The following TRIM8 variants were observed in gnomAD, a reference collection of about 807,000 sequenced individuals.
The protein encoded by TRIM8 is E3 ubiquitin-protein ligase TRIM8.
In TRIM8, 9 loss-of-function variants were observed where a neutral mutation model predicts 55.7. The observed-to-expected ratio is 0.16, with a 90% CI of 0.10 to 0.28. The LOEUF (loss-of-function observed/expected upper bound fraction) is 0.28. TRIM8 is among the 10% of genes least tolerant of loss of function. The probability of loss-of-function intolerance (pLI) is 1.00; values close to 1 mark genes in which losing one functional copy is unlikely to be tolerated. For synonymous variants in TRIM8, 335 were observed against 333.3 expected (o/e 1.01, Z -0.06); for missense variants, 556 against 736.4 (o/e 0.76, Z 2.83).
chr10:102,648,543 C>T (rs139845774), intron 1 of TRIM8, among the ~76,000 whole-genome samples: 116 of 152,234 alleles, frequency 7.6e-4, no homozygotes, highest in African/African-American at 2.6e-3. Flanking sequence ...GTGGGGTTTG[C>T]CCCTGCTTGG....
At chr10:102,646,027 T>A (rs913071407) in intron 1 of TRIM8, among the ~76,000 whole-genome samples, 1 of 152,160 alleles carries the variant, frequency 6.6e-6, no homozygotes, top group African/African-American at 2.4e-5. Context: ...GGCAGCTGGC[T>A]CCCCTGGGCT....
At chr10:102,645,507 G>C in intron 1 of TRIM8, 1 of 253,614 alleles carries the variant, frequency 3.9e-6, no homozygotes, top group Non-Finnish European at 7.5e-6. Context: ...CAGTCTTGTT[G>C]CTGTAGGCCC....
intron 3 of TRIM8, 58 bp downstream of exon 3, chr10:102,655,371 T>G: frequency 6.6e-7 from 1 of 1,512,486 alleles, no homozygotes; most frequent in Non-Finnish European, 9.0e-7. Context: ...CAAATTGAGA[T>G]CTGCAGTTTC....
chr10:102,650,022 T>TTGCCCCCCCTGCCC (rs1590106042), intron 1 of TRIM8, among the ~76,000 whole-genome samples: 1 of 151,282 alleles, frequency 6.6e-6, no homozygotes, highest in Non-Finnish European at 1.5e-5. Flanking sequence ...CCCCCTCTTC[T>TTGCCCCCCCTGCCC]TGCCCCTCCC....
chr10:102,652,504 T>G (rs1364846179), intron 1 of TRIM8, among the ~76,000 whole-genome samples: 1 of 152,190 alleles, frequency 6.6e-6, no homozygotes, highest in African/African-American at 2.4e-5. Context: ...AGTTTGTGTA[T>G]GGAACCCATG....
At chr10:102,655,374 G>A (rs975567575) in intron 3 of TRIM8, 61 bp downstream of exon 3, 40 of 1,468,390 alleles carry the variant, frequency 2.7e-5, no homozygotes, top group African/African-American at 4.2e-5. Flanking sequence ...ATTGAGATCT[G>A]CAGTTTCCTG....
chr10:102,654,447 A>T (rs2064007794), intron 1 of TRIM8: 2 of 522,466 alleles, frequency 3.8e-6, no homozygotes, highest in Non-Finnish European at 6.9e-6. Flanking sequence ...AAAAAATAAT[A>T]AGATAAATAA....
At position 102,657,486 on chromosome 10, in the gene TRIM8, C is replaced by T. The variant is rs1037792669; in HGVS notation, c.*132C>T. The T allele has an allele frequency of 1.9e-5, 22 of 1,181,644 alleles. No homozygotes were observed. The highest frequency in any genetic ancestry group is 2.5e-5 in the Non-Finnish European group (22 of 873,132). 73.2% of individuals were successfully genotyped at this position (1,181,644 alleles called of 1,614,324 possible). Reference sequence around the variant, plus strand: ...CTCATTCCATTGCCCCAGGTCTTTTCCTTTTGGATTTTGTTTTGGTTTTGG... The same window carrying T: ...CTCATTCCATTGCCCCAGGTCTTTTTCTTTTGGATTTTGTTTTGGTTTTGG... On this transcript the variant is annotated 3_prime_UTR_variant, in exon 6 of 6. Transcript: ENST00000643721.
Position 102,657,586 on chromosome 10 carries a change from C to T in TRIM8, c.*232C>T, listed in dbSNP as rs890434261. ...CAGTGGGAGCTGGCCTGGGCCAGGA[C>T]GGCAGGTGGCCCTGGAGATGGGAAA... On this transcript the variant is annotated 3_prime_UTR_variant, in exon 6 of 6. Transcript: ENST00000643721. 4 of 497,928 alleles carry T rather than the reference C, an allele frequency of 8.0e-6. No individual in the cohort carries two copies. Among genetic ancestry groups the T allele is most frequent in the South Asian group, 7.0e-5 (2 of 28,730 alleles). The allele number at this position is 497,928 out of a possible 1,614,324, so 30.8% of individuals were successfully genotyped here. A position where few individuals can be genotyped will look rare whatever the true frequency, so the allele number is the denominator to read the frequency against.
At position 102,644,856 on chromosome 10, in the gene TRIM8, C is replaced by T; in HGVS notation, c.239C>T (p.Ala80Val). Reference sequence around the variant, plus strand: ...ACCAACATCGTGGAGAAGTTCAATGCCCTGCACGTGGAGAAGCCGCCGGCG... The same window carrying T: ...ACCAACATCGTGGAGAAGTTCAATGTCCTGCACGTGGAGAAGCCGCCGGCG... The part of the protein sequence containing the change: ...KLTNIVEKFN[A>V]LHVEKPPAAL... Residue 80 changes from alanine (A) to valine (V), a missense_variant, in exon 1 of 6, where the codon GCC becomes GTC. Physicochemically the swap from Ala to Val is moderately conservative, Grantham distance 64 (BLOSUM62 0). Around this residue, in one of 2 missense-constraint regions of TRIM8, gnomAD observed 165 missense variants for 295.3 expected, o/e 0.56. Coordinates refer to ENST00000643721, the MANE Select transcript of TRIM8 (RefSeq NM_030912.3). The T allele has an allele frequency of 6.2e-7, 1 of 1,612,428 alleles. No individual in the cohort carries two copies. The highest frequency in any genetic ancestry group is 8.5e-7 in the Non-Finnish European group (1 of 1,179,686).
In TRIM8 at chr10:102,656,001, C is replaced by A; in HGVS notation, c.901-105C>A. The stretch of plus-strand genomic sequence containing the variant: ...TTCTGTCCAGAATGAGAGGATCCAC[C>A]CAGCCTGGGGGAGGCTCAGGGGGGG... On this transcript the variant is annotated intron_variant, in intron 3 of 5. Coordinates refer to ENST00000643721, the MANE Select transcript of TRIM8 (RefSeq NM_030912.3). This position sits in a 1 kb window ranked among gnomAD's most constrained non-coding sequence, Gnocchi z 4.6. 1.3e-6 allele frequency: 2 copies of A among 1,549,774 alleles called. No homozygotes were observed. The highest frequency in any genetic ancestry group is 1.8e-6 in the Non-Finnish European group (2 of 1,122,724).
rs768597700 is a variant in TRIM8 at position 102,656,562 on chromosome 10, T to A, written c.1048+177T>A. On this transcript the variant is annotated intron_variant, in intron 5 of 5. Transcript: ENST00000643721. The surrounding 1 kb of genome is among the most constrained non-coding windows in gnomAD (Gnocchi z 4.6). ...AGCAACATGACCTCCCCAGCCTCCA[T>A]TTCTTCAGCTTAAAGTGGGGATATA... 2.7e-5 allele frequency: 35 copies of A among 1,302,118 alleles called. No homozygotes were observed. The highest frequency in any genetic ancestry group is 3.5e-5 in the Non-Finnish European group (34 of 963,480). 80.7% of individuals were successfully genotyped at this position (1,302,118 alleles called of 1,614,324 possible).
Position 102,657,552 on chromosome 10 carries a change from C to A in TRIM8, c.*198C>A. The A allele has an allele frequency of 1.5e-6, 1 of 671,838 alleles. No homozygotes were observed. 41.6% of individuals were successfully genotyped at this position (671,838 alleles called of 1,614,324 possible). The stretch of plus-strand genomic sequence containing the variant: ...TTTTTTATTATGAATCTCCTGGACG[C>A]AGAGGTGACAGTGGGAGCTGGCCTG... On this transcript the variant is annotated 3_prime_UTR_variant, in exon 6 of 6. Transcript: ENST00000643721.
rs1404497052 is a variant in TRIM8, at chr10:102,656,551, C to T, written c.1048+166C>T. On this transcript the variant is annotated intron_variant, in intron 5 of 5. Coordinates refer to ENST00000643721, the MANE Select transcript of TRIM8 (RefSeq NM_030912.3). This position sits in a 1 kb window ranked among gnomAD's most constrained non-coding sequence, Gnocchi z 4.6. ...GACAGTGGGTAAGCAACATGACCTC[C>T]CCAGCCTCCATTTCTTCAGCTTAAA... 1.5e-6 allele frequency: 2 copies of T among 1,312,510 alleles called. No homozygotes were observed. The highest frequency in any genetic ancestry group is 2.1e-6 in the Non-Finnish European group (2 of 973,460). The allele number at this position is 1,312,510 out of a possible 1,614,324, so 81.3% of individuals were successfully genotyped here.
In TRIM8 at chr10:102,654,712, G is replaced by T. The variant is rs770171925; in HGVS notation, c.630G>T (p.Gln210His). 6.2e-7 allele frequency: 1 copy of T among 1,614,208 alleles called. No individual in the cohort carries two copies. Among genetic ancestry groups the T allele is most frequent in the South Asian group, 1.1e-5 (1 of 91,086 alleles). The change falls in exon 2 of 6, where the codon CAG becomes CAT. Residue 210 changes from glutamine (Q) to histidine (H), a missense_variant. Physicochemically the swap from Gln to His is conservative, Grantham distance 24. Around this residue, in one of 2 missense-constraint regions of TRIM8, gnomAD observed 165 missense variants for 295.3 expected, o/e 0.56. Coordinates refer to ENST00000643721, the MANE Select transcript of TRIM8 (RefSeq NM_030912.3). ...LEEREQDIEDQLYKLESDKRL... is the reference protein window; with the variant it reads ...LEEREQDIEDHLYKLESDKRL... ...AGCGAGAGCAGGACATTGAGGACCA[G>T]CTGTACAAACTCGAGTCAGACAAGC...
chr10:102,649,692 C>T (rs1387730079), intron 1 of TRIM8, among the ~76,000 whole-genome samples: 1 of 152,232 alleles, frequency 6.6e-6, no homozygotes, highest in East Asian at 1.9e-4. Flanking sequence ...GGGCTCGCAT[C>T]TGAGGTGCTG....
Position 102,657,407 on chromosome 10 carries a change from C to CGGGA in TRIM8, c.*55_*58dup. 1 of 1,515,876 alleles carries CGGGA rather than the reference C, an allele frequency of 6.6e-7. No individual in the cohort carries two copies. The allele number at this position is 1,515,876 out of a possible 1,614,324, so 93.9% of individuals were successfully genotyped here. A position where few individuals can be genotyped will look rare whatever the true frequency, so the allele number is the denominator to read the frequency against. ...AATCTTCCTCCCCAGCCCCCGGGCT[C>CGGGA]GGGAGTTATGCATCCAGAGACCTGC... On this transcript the variant is annotated 3_prime_UTR_variant, in exon 6 of 6. Coordinates refer to ENST00000643721, the MANE Select transcript of TRIM8 (RefSeq NM_030912.3).
At position 102,644,892 on chromosome 10, in the gene TRIM8, G is replaced by A; in HGVS notation, c.275G>A (p.Cys92Tyr). The A allele has an allele frequency of 6.2e-7, 1 of 1,610,190 alleles. No individual in the cohort carries two copies. Among genetic ancestry groups the A allele is most frequent in the Non-Finnish European group, 8.5e-7 (1 of 1,178,638 alleles). Reference sequence around the variant, plus strand: ...GAGAAGCCGCCGGCGGCGCTGCACTGCGTGTTCTGCCGCCGCGGCCCCCCG... The same window carrying A: ...GAGAAGCCGCCGGCGGCGCTGCACTACGTGTTCTGCCGCCGCGGCCCCCCG... ...HVEKPPAALH[C>Y]VFCRRGPPLP... is the part of the protein sequence containing the mutation. The change falls in exon 1 of 6, where the codon TGC becomes TAC. Residue 92 changes from cysteine (C) to tyrosine (Y), a missense_variant. By Grantham distance (194) the Cys-to-Tyr change is radical (BLOSUM62 -2). Around this residue, in one of 2 missense-constraint regions of TRIM8, gnomAD observed 165 missense variants for 295.3 expected, o/e 0.56. Transcript: ENST00000643721.
intron 1 of TRIM8, 34 bp from the exon 2 acceptor site, chr10:102,654,619 T>A: frequency 6.5e-7 from 1 of 1,529,830 alleles, no homozygotes; most frequent in East Asian, 2.2e-5. Context: ...GGAGCCACAG[T>A]CCCTCTGATA....
Sources: gnomAD v4.1 joint callset for allele counts (sites outside exome capture counted in the v4.1 genomes callset) on GRCh38, gnomAD v4.1.1 for gene constraint, gnomAD v4.1.1 regional missense constraint, Gnocchi (gnomAD v3.1) non-coding constraint, MANE v1.5 for transcripts, NCBI Gene and HGNC (gene_info 2026-07-23, HGNC 2026-07-21) for gene names.